Variants in PPARGC1A observed in about 807,000 individuals in gnomAD.
PPARGC1A encodes peroxisome proliferator-activated receptor gamma coactivator 1-alpha.
A neutral mutation model predicts 88.7 loss-of-function variants in PPARGC1A; 25 were observed. The observed-to-expected ratio is 0.28, with a 90% CI of 0.21 to 0.39. The LOEUF (loss-of-function observed/expected upper bound fraction) is 0.39. Ranked by LOEUF, PPARGC1A falls within the 10% of genes least tolerant of loss-of-function variation. PPARGC1A has a pLI of 1.00. For synonymous variants in PPARGC1A, 363 were observed against 355.6 expected (o/e 1.02, Z -0.24); for missense variants, 880 against 968.7 (o/e 0.91, Z 1.22).
chr4:24,405,341 C>T, the PPARGC1A span, among the ~76,000 whole-genome samples: 4 of 151,556 alleles, frequency 2.6e-5, no homozygotes, highest in African/African-American at 7.3e-5. Context: ...GTTTTTCCAA[C>T]AAAAGTAATT....
the PPARGC1A span, among the ~76,000 whole-genome samples, chr4:23,948,995 A>T: frequency 2.0e-5 from 3 of 152,118 alleles, no homozygotes; most frequent in African/African-American, 7.2e-5. Flanking sequence ...TTAGAATTTA[A>T]CTCTTAAACC....
intron 1 of PPARGC1A, among the ~76,000 whole-genome samples, chr4:23,886,042 T>C (rs2148838927): frequency 6.6e-6 from 1 of 152,204 alleles, no homozygotes; most frequent in East Asian, 1.9e-4. Context: ...CTAATGTCAG[T>C]CCGCAGACAG....
the PPARGC1A span, among the ~76,000 whole-genome samples, chr4:24,144,119 C>T: frequency 6.6e-6 from 1 of 152,238 alleles, no homozygotes; most frequent in Admixed American, 6.5e-5. Flanking sequence ...GCCTATTTGC[C>T]AGGATATGCA....
the PPARGC1A span, among the ~76,000 whole-genome samples, chr4:23,914,132 C>A: frequency 6.6e-6 from 1 of 152,140 alleles, no homozygotes; most frequent in Non-Finnish European, 1.5e-5. Flanking sequence ...AAGCACTATG[C>A]TATGCCATGA....
At chr4:24,324,714 C>T in the PPARGC1A span, among the ~76,000 whole-genome samples, 1 of 152,186 alleles carries the variant, frequency 6.6e-6, no homozygotes, top group Non-Finnish European at 1.5e-5. Flanking sequence ...GGCAAATGGT[C>T]TGAGGTTCCT....
intron 5 of PPARGC1A, among the ~76,000 whole-genome samples, chr4:23,826,847 G>A (rs1311630864): frequency 1.3e-5 from 2 of 150,964 alleles, no homozygotes; most frequent in Non-Finnish European, 3.0e-5. Context: ...GTCATGATTT[G>A]TAAAAGTTTA....
chr4:24,257,673 C>T, the PPARGC1A span, among the ~76,000 whole-genome samples: 17 of 152,108 alleles, frequency 1.1e-4, no homozygotes, highest in African/African-American at 4.1e-4. Context: ...TTCTGGTTGG[C>T]CTCCTCCCCC....
At chr4:23,905,081 C>A (rs756217091), upstream of PPARGC1A, among the ~76,000 whole-genome samples, 1 of 152,162 alleles carries the variant, frequency 6.6e-6, no homozygotes, top group Non-Finnish European at 1.5e-5. Flanking sequence ...ACTCGGAGTT[C>A]TTTTCGACTT....
chr4:23,813,271 T>G (rs1721286481), intron 8 of PPARGC1A, 146 bp from the exon 9 acceptor site: 1 of 710,610 alleles, frequency 1.4e-6, no homozygotes, highest in Non-Finnish European at 2.4e-6. Context: ...CAGTGACAGT[T>G]TGTGATCATC....
chr4:24,111,994 A>C, the PPARGC1A span, among the ~76,000 whole-genome samples: 1 of 152,222 alleles, frequency 6.6e-6, no homozygotes, highest in Admixed American at 6.5e-5. Context: ...GTTATTCTTG[A>C]CTTTAGACAA....
the PPARGC1A span, among the ~76,000 whole-genome samples, chr4:24,304,501 G>A: frequency 6.6e-6 from 1 of 152,154 alleles, no homozygotes; most frequent in Non-Finnish European, 1.5e-5. Context: ...TGGAGACACA[G>A]AAAGGTTAAA....
chr4:24,317,554 CTAAAAAAAAAAAAAAAA>C, the PPARGC1A span, among the ~76,000 whole-genome samples: 6 of 14,252 alleles, frequency 4.2e-4, no homozygotes, highest in Non-Finnish European at 5.8e-4. Context: ...GTTCAGAGGA[CTAAAAAAAAAAAAAAAA>C]AAAAAAAAAA....
the PPARGC1A span, among the ~76,000 whole-genome samples, chr4:24,090,770 G>A: frequency 1.3e-5 from 2 of 152,240 alleles, no homozygotes; most frequent in African/African-American, 2.4e-5. Flanking sequence ...AATGTGTAAT[G>A]TGAAGAAGAG....
chr4:23,907,705 G>A (rs1333903404), upstream of PPARGC1A, among the ~76,000 whole-genome samples: 2 of 151,906 alleles, frequency 1.3e-5, no homozygotes, highest in South Asian at 4.2e-4. Context: ...TCTGCAGTTC[G>A]CACTATATAA....
At chr4:24,238,745 A>ATGTGTGTGTGTG in the PPARGC1A span, among the ~76,000 whole-genome samples, 52 of 121,806 alleles carry the variant, frequency 4.3e-4, 1 homozygote, top group African/African-American at 9.8e-4. Context: ...AAGGTTGTAT[A>ATGTGTGTGTGTG]TGTGTGTGTG....
At chr4:23,885,963 C>T (rs772284714) in intron 1 of PPARGC1A, among the ~76,000 whole-genome samples, 1 of 152,122 alleles carries the variant, frequency 6.6e-6, no homozygotes, top group Non-Finnish European at 1.5e-5. Flanking sequence ...TACCATGCGG[C>T]TTTTGGAGGC....
At chr4:24,429,160 G>A in the PPARGC1A span, among the ~76,000 whole-genome samples, 1 of 152,150 alleles carries the variant, frequency 6.6e-6, no homozygotes, top group Non-Finnish European at 1.5e-5. Context: ...AAACTCAGAC[G>A]TGAGCTGTGT....
At chr4:24,266,336 G>A in the PPARGC1A span, among the ~76,000 whole-genome samples, 4 of 152,228 alleles carry the variant, frequency 2.6e-5, no homozygotes, top group South Asian at 4.1e-4. Flanking sequence ...GAAAAATGCA[G>A]CTGCTCTGTT....
chr4:24,332,256 G>A, the PPARGC1A span, among the ~76,000 whole-genome samples: 172 of 152,226 alleles, frequency 1.1e-3, no homozygotes, highest in African/African-American at 4.0e-3. Context: ...GGGATTACAG[G>A]CATGAACCAC....
Sources: allele counts gnomAD v4.1 joint callset (sites outside exome capture counted in the v4.1 genomes callset), GRCh38; gene constraint gnomAD v4.1.1; transcripts MANE v1.5; gene names NCBI Gene and HGNC (gene_info 2026-07-23, HGNC 2026-07-21).